PLCB1: variants seen among roughly 807,000 people sequenced by gnomAD.
The protein encoded by PLCB1 is phospholipase C beta 1.
Under a neutral mutation model 161.8 loss-of-function variants are expected in PLCB1, and 46 were observed. The observed-to-expected ratio is 0.28, with a 90% CI of 0.22 to 0.36. PLCB1 has a LOEUF of 0.36. Among genes scored for constraint, PLCB1 ranks in the 10% least tolerant of loss-of-function variants. The probability of loss-of-function intolerance (pLI) is 1.00; values close to 1 mark genes in which losing one functional copy is unlikely to be tolerated. For missense variants in PLCB1, 1,016 were observed against 1,472.5 expected, an observed-to-expected ratio of 0.69 and a Z score of 5.07; for synonymous variants, 517 against 503.7, an observed-to-expected ratio of 1.03 and a Z score of -0.35.
intron 11 of PLCB1, among the ~76,000 whole-genome samples, chr20:8,704,235 G>T (rs1978534793): frequency 6.6e-6 from 1 of 152,038 alleles, no homozygotes; most frequent in Admixed American, 6.5e-5. Context: ...CATGCCTGTA[G>T]TCCCAGCTGC....
chr20:8,209,292 C>T (rs1294529497), intron 2 of PLCB1, among the ~76,000 whole-genome samples: 1 of 151,860 alleles, frequency 6.6e-6, no homozygotes, highest in Non-Finnish European at 1.5e-5. Flanking sequence ...GAACAGTTTA[C>T]AAGAACAAGC....
At chr20:8,552,872 G>A (rs750867270) in intron 3 of PLCB1, among the ~76,000 whole-genome samples, 13 of 151,954 alleles carry the variant, frequency 8.6e-5, no homozygotes, top group African/African-American at 1.7e-4. Context: ...TTTATATCTC[G>A]AAAAGCTTTT....
intron 3 of PLCB1, among the ~76,000 whole-genome samples, chr20:8,525,401 A>G (rs757189283): frequency 4.6e-5 from 7 of 152,176 alleles, no homozygotes; most frequent in Non-Finnish European, 1.0e-4. Context: ...TGTCATAAAT[A>G]TCTGTCAGCA....
At chr20:8,191,309 T>G (rs1354263143) in intron 2 of PLCB1, among the ~76,000 whole-genome samples, 1 of 152,052 alleles carries the variant, frequency 6.6e-6, no homozygotes, top group Non-Finnish European at 1.5e-5. Flanking sequence ...ACAAACAATT[T>G]GTAAGATCAA....
At chr20:8,795,537 G>A (rs1398427548) in intron 31 of PLCB1, among the ~76,000 whole-genome samples, 1 of 152,142 alleles carries the variant, frequency 6.6e-6, no homozygotes, top group Non-Finnish European at 1.5e-5. Flanking sequence ...GTGTATGTGG[G>A]TTTCAGTTTT....
At chr20:8,221,010 T>C (rs1056476322) in intron 2 of PLCB1, among the ~76,000 whole-genome samples, 1 of 152,164 alleles carries the variant, frequency 6.6e-6, no homozygotes, top group African/African-American at 2.4e-5. Context: ...TCTGGGAAGT[T>C]GGAAATCTTC....
chr20:8,874,428 A>G lies in PLCB1; in HGVS notation c.3424-7194A>G, dbSNP rs570063833. 4.6e-5 allele frequency among the ~76,000 whole-genome samples: 7 copies of G among 152,154 alleles called. No individual in the cohort carries two copies. In the East Asian group the frequency reaches 1.2e-3, roughly 25 times the overall value. On this transcript the variant is annotated intron_variant, in intron 31 of 31. Coordinates refer to ENST00000338037, the MANE Select transcript of PLCB1 (RefSeq NM_015192.4). ...AGTAATATAATTGTGCATCCTTAGT[A>G]GGATATATTTGATGAATAAAAAGAA...
Position 8,881,751 on chromosome 20 carries a change from TCC to T in PLCB1, c.3555_3556del (p.Leu1186ValfsTer15). ...EDSNHGSAPLSLSSDPGKVNH... is the reference protein window; with the variant it reads ...EDSNHGSAPLXLSSDPGKVNH... ...CAGCAATCACGGTTCTGCCCCTCTC[TCC>T]CTGTCCTCAGACCCTGGAAAAGTGA... On this transcript the variant is annotated frameshift_variant, in exon 32 of 32. Coordinates refer to ENST00000338037, the MANE Select transcript of PLCB1 (RefSeq NM_015192.4). LOFTEE classifies it high-confidence loss of function. 6.2e-7 allele frequency: 1 copy of T among 1,613,984 alleles called. No homozygotes were observed. The highest frequency in any genetic ancestry group is 8.5e-7 in the Non-Finnish European group (1 of 1,179,944).
intron 3 of PLCB1, among the ~76,000 whole-genome samples, chr20:8,377,470 A>T (rs1407579324): frequency 6.6e-6 from 1 of 152,192 alleles, no homozygotes; most frequent in African/African-American, 2.4e-5. Context: ...AGCTTTTGAA[A>T]GTTCCACTGG....
intron 31 of PLCB1, among the ~76,000 whole-genome samples, chr20:8,873,817 A>T (rs181598812): frequency 3.2e-4 from 48 of 152,096 alleles, no homozygotes; most frequent in Non-Finnish European, 6.2e-4. Flanking sequence ...TTTTTACAGA[A>T]ACACTTACGT....
At chr20:8,755,752 A>T (rs1981703944) in intron 23 of PLCB1, among the ~76,000 whole-genome samples, 1 of 152,324 alleles carries the variant, frequency 6.6e-6, no homozygotes, top group South Asian at 2.1e-4. Flanking sequence ...AGAAAATGGT[A>T]TTATTTAAGA....
intron 31 of PLCB1, among the ~76,000 whole-genome samples, chr20:8,869,850 G>A (rs1600105384): frequency 6.6e-6 from 1 of 152,166 alleles, no homozygotes; most frequent in East Asian, 1.9e-4. Flanking sequence ...TCAGTTGGAT[G>A]TTGATGAATC....
intron 2 of PLCB1, among the ~76,000 whole-genome samples, chr20:8,166,967 A>G (rs2051682164): frequency 1.3e-5 from 2 of 152,178 alleles, no homozygotes; most frequent in South Asian, 4.1e-4. Context: ...CTCCCGTATT[A>G]GGTTTTTGAC....
intron 2 of PLCB1, among the ~76,000 whole-genome samples, chr20:8,208,332 ACT>A (rs772410201): frequency 3.3e-5 from 5 of 151,980 alleles, no homozygotes; most frequent in Non-Finnish European, 7.4e-5. Flanking sequence ...AAAATTAGAA[ACT>A]CTGAAAAGCT....
chr20:8,813,089 G>T lies in PLCB1; in HGVS notation c.3423+22828G>T, dbSNP rs373373299. ...TGATTTCAGGTTTCCTGGACACCGC[G>T]TCCTCTCCTGACCCAACACCTGCTG... On this transcript the variant is annotated intron_variant, in intron 31 of 31. Coordinates refer to ENST00000338037, the MANE Select transcript of PLCB1 (RefSeq NM_015192.4). 1.2e-4 allele frequency among the ~76,000 whole-genome samples: 18 copies of T among 152,198 alleles called. No individual in the cohort carries two copies. In the East Asian group the frequency reaches 2.9e-3, roughly 24 times the overall value.
chr20:8,668,854 G>A (rs1448953806), intron 9 of PLCB1, among the ~76,000 whole-genome samples: 1 of 152,162 alleles, frequency 6.6e-6, no homozygotes, highest in Non-Finnish European at 1.5e-5. Flanking sequence ...CTATAAAAAG[G>A]ATATTCCCAC....
At chr20:8,711,483 T>G (rs1256221557) in intron 12 of PLCB1, among the ~76,000 whole-genome samples, 1 of 152,256 alleles carries the variant, frequency 6.6e-6, no homozygotes. Context: ...TAAAAGTTCA[T>G]TAATAATTTC....
chr20:8,314,317 G>A (rs1353971274), intron 2 of PLCB1, among the ~76,000 whole-genome samples: 1 of 152,092 alleles, frequency 6.6e-6, no homozygotes, highest in Non-Finnish European at 1.5e-5. Flanking sequence ...TTTTTTCGGA[G>A]TTGTATCTTA....
At position 8,132,585 on chromosome 20, in the gene PLCB1, C is replaced by A. The variant is rs914918901; in HGVS notation, c.-67C>A. ...AAAGGAGCCCGCGCCCCGCGCCCCGCGCCCCGCGCACGGTCCCCAGTCCCT... is the reference window on the plus strand; with the variant it reads ...AAAGGAGCCCGCGCCCCGCGCCCCGAGCCCCGCGCACGGTCCCCAGTCCCT... On this transcript the variant is annotated 5_prime_UTR_variant, in exon 1 of 32. Transcript: ENST00000338037. The surrounding 1 kb of genome is among the most constrained non-coding windows in gnomAD (Gnocchi z 5.2). The A allele has an allele frequency of 2.0e-5, 21 of 1,042,206 alleles. No homozygotes were observed. In the African/African-American group the frequency reaches 2.7e-4, roughly 14 times the overall value. The allele number at this position is 1,042,206 out of a possible 1,614,324, so 64.6% of individuals were successfully genotyped here.
Sources: allele counts gnomAD v4.1 joint callset (sites outside exome capture counted in the v4.1 genomes callset), GRCh38; gene constraint gnomAD v4.1.1; non-coding constraint Gnocchi (gnomAD v3.1); transcripts MANE v1.5; gene names NCBI Gene and HGNC (gene_info 2026-07-23, HGNC 2026-07-21).